Variants in GLI3 observed in about 807,000 individuals in gnomAD.
The protein encoded by GLI3 is transcription activator GLI3.
GLI3 carries 20 observed loss-of-function variants against 100.8 expected under a neutral mutation model. That is an observed-to-expected ratio of 0.20 (90% CI 0.14 to 0.29). The LOEUF is 0.29. Ranked by LOEUF, GLI3 falls within the 10% of genes least tolerant of loss-of-function variation. The probability of loss-of-function intolerance (pLI) is 1.00; values close to 1 mark genes in which losing one functional copy is unlikely to be tolerated. For synonymous variants in GLI3, 938 were observed against 860.5 expected (o/e 1.09, Z -1.58); for missense variants, 2,040 against 2,128.5 (o/e 0.96, Z 0.82).
intron 3 of GLI3, among the ~76,000 whole-genome samples, chr7:42,088,978 T>C (rs144774014): frequency 6.6e-6 from 1 of 152,308 alleles, no homozygotes; most frequent in African/African-American, 2.4e-5. Flanking sequence ...CAGGCTCTAA[T>C]GTGATCTCCA....
chr7:42,138,354 C>A (rs943469040), intron 3 of GLI3, among the ~76,000 whole-genome samples: 1 of 152,160 alleles, frequency 6.6e-6, no homozygotes, highest in Admixed American at 6.5e-5. Flanking sequence ...TTTAAAACAT[C>A]ATTCATCATA....
intron 3 of GLI3, among the ~76,000 whole-genome samples, chr7:42,108,341 C>G (rs1016130832): frequency 3.3e-5 from 5 of 152,194 alleles, no homozygotes; most frequent in Non-Finnish European, 5.9e-5. Flanking sequence ...ATGCCTCCCT[C>G]TAGAGTCATG....
rs75167158 is a variant in GLI3, at chr7:42,049,136, G to C, written c.474-440C>G. The stretch of plus-strand genomic sequence containing the variant: ...GAAAGAAAAGAAAAGAAAAAAGAAA[G>C]GGAAAGAAAAGAACAGAACAGAACA... On this transcript the variant is annotated intron_variant, in intron 4 of 14. Transcript: ENST00000395925. Among the ~76,000 whole-genome samples the C allele has an allele frequency of 6.8e-3, 1,041 of 152,226 alleles. 17 individuals are homozygous for C. The highest frequency in any genetic ancestry group is 0.023 in the African/African-American group (971 of 41,538).
chr7:42,014,346 T>C (rs1788697501), intron 10 of GLI3, among the ~76,000 whole-genome samples: 1 of 152,252 alleles, frequency 6.6e-6, no homozygotes, highest in South Asian at 2.1e-4. Context: ...ACTTTGGTTC[T>C]GCTCTAACTG....
Position 42,076,619 on chromosome 7 carries a change from T to C in GLI3, c.473+133A>G, listed in dbSNP as rs568929731. The C allele has an allele frequency of 9.9e-6, 7 of 707,046 alleles. No homozygotes were observed. The East Asian group carries it at 1.9e-4, about 19-fold the overall frequency. 43.8% of individuals were successfully genotyped at this position (707,046 alleles called of 1,614,324 possible). A position where few individuals can be genotyped will look rare whatever the true frequency, so the allele number is the denominator to read the frequency against. On this transcript the variant is annotated intron_variant, in intron 4 of 14. Coordinates refer to ENST00000395925, the MANE Select transcript of GLI3 (RefSeq NM_000168.6). ...AACCCACGAACAGATAGGCTTGCTA[T>C]ATTTCAAAAGTAAATCTTACACTTC...
At chr7:42,202,868 T>A (rs868045459) in intron 2 of GLI3, among the ~76,000 whole-genome samples, 1 of 152,192 alleles carries the variant, frequency 6.6e-6, no homozygotes. Flanking sequence ...CCCACTCTTA[T>A]GCACTCAGCA....
chr7:42,030,694 TTG>T (rs1789261365), intron 7 of GLI3, among the ~76,000 whole-genome samples: 1 of 122,642 alleles, frequency 8.2e-6, no homozygotes, highest in African/African-American at 4.9e-5. Flanking sequence ...TATTGTTGAT[TTG>T]TTTTTTTTTT....
At chr7:42,170,004 T>A (rs1020588615) in intron 2 of GLI3, among the ~76,000 whole-genome samples, 1 of 151,408 alleles carries the variant, frequency 6.6e-6, no homozygotes, top group African/African-American at 2.4e-5. Flanking sequence ...ACGCCTGTAA[T>A]CACAGTACTT....
chr7:42,087,756 T>C (rs1785133331), intron 3 of GLI3, among the ~76,000 whole-genome samples: 1 of 151,410 alleles, frequency 6.6e-6, no homozygotes, highest in Non-Finnish European at 1.5e-5. Flanking sequence ...GGCTCTGGCA[T>C]GTACTTAATG....
intron 10 of GLI3, among the ~76,000 whole-genome samples, chr7:42,014,245 A>C (rs1450513940): frequency 1.3e-5 from 2 of 152,194 alleles, no homozygotes; most frequent in African/African-American, 4.8e-5. Context: ...AATAAAAGTC[A>C]GACTCCTAGT....
At chr7:42,223,027 T>C (rs1273771761) in intron 2 of GLI3, 103 bp downstream of exon 2, 3 of 1,360,562 alleles carry the variant, frequency 2.2e-6, no homozygotes, top group South Asian at 2.3e-5. Flanking sequence ...TAGCGTCTCC[T>C]AGAACAAACA....
chr7:42,134,295 A>C (rs938050657), intron 3 of GLI3, among the ~76,000 whole-genome samples: 3 of 152,090 alleles, frequency 2.0e-5, no homozygotes, highest in East Asian at 3.9e-4. Flanking sequence ...TTAACTTCAA[A>C]TAACTATGCA....
chr7:42,232,015 A>G (rs1240546074), intron 1 of GLI3, among the ~76,000 whole-genome samples: 1 of 152,186 alleles, frequency 6.6e-6, no homozygotes, highest in African/African-American at 2.4e-5. Flanking sequence ...AAGTGCACTT[A>G]TCCCCCATTA....
intron 2 of GLI3, among the ~76,000 whole-genome samples, chr7:42,211,871 A>G (rs74814992): frequency 0.035 from 5,341 of 152,338 alleles, 148 homozygotes; most frequent in Middle Eastern, 0.054. Flanking sequence ...GCCATAAGCA[A>G]GCATGAAGCA....
rs749336732 is a variant in GLI3 at position 42,076,872 on chromosome 7, G to A, written c.368-15C>T. 2.7e-6 allele frequency: 4 copies of A among 1,470,570 alleles called. No homozygotes were observed. The highest frequency in any genetic ancestry group is 3.8e-6 in the Non-Finnish European group (4 of 1,048,978). 91.1% of individuals were successfully genotyped at this position (1,470,570 alleles called of 1,614,324 possible). On this transcript the variant is annotated splice_polypyrimidine_tract_variant and intron_variant, in intron 3 of 14. Transcript: ENST00000395925. ...ATGAGGAGGGTCTGAAAAGAAGAGA[G>A]AGCCCAATCTATATCAAATGAACAC...
intron 14 of GLI3, 29 bp downstream of exon 14, chr7:41,967,567 G>A (rs1441604085): frequency 6.7e-7 from 1 of 1,503,060 alleles, no homozygotes; most frequent in Admixed American, 1.7e-5. Flanking sequence ...AAAACCCTGA[G>A]CAGATGCATG....
intron 13 of GLI3, among the ~76,000 whole-genome samples, chr7:41,968,767 A>AGAAG (rs1491583865): frequency 1.2e-4 from 14 of 119,374 alleles, no homozygotes; most frequent in East Asian, 4.0e-4. Flanking sequence ...AAAGAAGGAA[A>AGAAG]GAAAGAAAGA....
chr7:42,148,068 A>C (rs1044639918), intron 3 of GLI3, among the ~76,000 whole-genome samples, 158 bp downstream of exon 3: 2 of 151,846 alleles, frequency 1.3e-5, no homozygotes, highest in Non-Finnish European at 2.9e-5. Context: ...TAGGGAAAGT[A>C]AGAAGGAAAG....
rs952457000 is a variant in GLI3, at chr7:42,220,571, G to A, written c.124+2559C>T. 2.6e-5 allele frequency among the ~76,000 whole-genome samples: 4 copies of A among 152,168 alleles called. No homozygotes were observed. The South Asian group carries it at 8.3e-4, about 32-fold the overall frequency. ...AGGTGACCAGGTTGCAGAAGAAAGGGCCTCTGCGCTTCCAGCAATCCACGC... is the reference window on the plus strand; with the variant it reads ...AGGTGACCAGGTTGCAGAAGAAAGGACCTCTGCGCTTCCAGCAATCCACGC... On this transcript the variant is annotated intron_variant, in intron 2 of 14. Coordinates refer to ENST00000395925, the MANE Select transcript of GLI3 (RefSeq NM_000168.6).
Sources: allele counts gnomAD v4.1 joint callset (sites outside exome capture counted in the v4.1 genomes callset), GRCh38; gene constraint gnomAD v4.1.1; transcripts MANE v1.5; gene names NCBI Gene and HGNC (gene_info 2026-07-23, HGNC 2026-07-21).